DRP2: variants seen among roughly 807,000 people sequenced by gnomAD.
DRP2 encodes dystrophin-related protein 2.
In DRP2, 29 loss-of-function variants were observed where a neutral mutation model predicts 78.2. The observed-to-expected ratio is 0.37, with a 90% confidence interval of 0.28 to 0.51. The LOEUF is 0.51. Ranked by LOEUF, DRP2 falls within the 20% of genes least tolerant of loss-of-function variation. The pLI, the probability that DRP2 is intolerant of heterozygous loss-of-function variation, is 0.94. For synonymous variants in DRP2, 290 were observed against 281.9 expected (o/e 1.03, Z -0.29); for missense variants, 686 against 770.6 (o/e 0.89, Z 1.30).
chrX:101,223,002 C>T (rs1229133634), intron 1 of DRP2, among the ~76,000 whole-genome samples: 2 of 111,938 alleles, frequency 1.8e-5, no homozygotes, highest in East Asian at 5.6e-4. Context: ...TCTTCTGCAA[C>T]GTGATTTCTC....
chrX:101,244,345 C>T (rs1414242793), intron 9 of DRP2, among the ~76,000 whole-genome samples: 3 of 111,901 alleles, frequency 2.7e-5, no homozygotes, highest in Non-Finnish European at 5.6e-5. Flanking sequence ...ATATCTGGCA[C>T]ATAGTAGGAG....
chrX:101,258,207 G>T (rs1315430926), intron 21 of DRP2, 102 bp from the exon 22 acceptor site: 13 of 698,918 alleles, frequency 1.9e-5, no homozygotes, highest in Non-Finnish European at 2.5e-5. Context: ...TAGGGTGGAA[G>T]AGCACAGGGA....
chrX:101,227,267 T>C (rs1922153091), intron 2 of DRP2, among the ~76,000 whole-genome samples: 1 of 111,969 alleles, frequency 8.9e-6, no homozygotes, highest in Admixed American at 9.5e-5. Context: ...AAATTATCCT[T>C]TTTTTTGTTT....
At chrX:101,252,099 T>C (rs966890567) in intron 16 of DRP2, among the ~76,000 whole-genome samples, 2 of 112,176 alleles carry the variant, frequency 1.8e-5, no homozygotes, top group African/African-American at 6.5e-5. Context: ...GCTTTGGAAG[T>C]AGATCTGAAG....
intron 21 of DRP2, 96 bp downstream of exon 21, chrX:101,256,357 A>G (rs952841146): frequency 2.6e-5 from 22 of 857,950 alleles, no homozygotes; most frequent in Middle Eastern, 3.0e-4. Flanking sequence ...TCTGACCTTG[A>G]GCAAGTTACT....
chrX:101,239,236 C>G, intron 6 of DRP2, 135 bp downstream of exon 6: 1 of 858,398 alleles, frequency 1.2e-6, no homozygotes, highest in East Asian at 3.3e-5. Context: ...GGAGTCCATC[C>G]AAAGTTGGGG....
rs187034712 is a variant in DRP2 at position 101,222,109 on chromosome X, T to C, written c.-167+1963T>C. Reference sequence around the variant, plus strand: ...GTGTATTCTGCAGTTCAATACTTTTTTGGAAATGCTTCTTAACCGAATTCT... The same window carrying C: ...GTGTATTCTGCAGTTCAATACTTTTCTGGAAATGCTTCTTAACCGAATTCT... On this transcript the variant is annotated intron_variant, in intron 1 of 23. Coordinates refer to ENST00000395209, the MANE Select transcript of DRP2 (RefSeq NM_001939.3). Among the ~76,000 whole-genome samples the C allele has an allele frequency of 6.1e-4, 68 of 111,380 alleles. 1 individual carries two copies. The highest frequency in any genetic ancestry group is 2.3e-3 in the South Asian group (6 of 2,621).
In DRP2 at chrX:101,260,747, C is replaced by T; in HGVS notation, c.*126C>T. On this transcript the variant is annotated 3_prime_UTR_variant, in exon 24 of 24. Coordinates refer to ENST00000395209, the MANE Select transcript of DRP2 (RefSeq NM_001939.3). ...CATTCCTCAACTAGTATTATTTGGG[C>T]TCTGGGCAGCAGCAGGGATCTGGTG... The T allele has an allele frequency of 3.3e-6, 3 of 908,204 alleles. No individual in the cohort carries two copies. The highest frequency in any genetic ancestry group is 4.5e-6 in the Non-Finnish European group (3 of 666,846). The allele number at this position is 908,204 out of a possible 1,213,427, so 74.8% of individuals were successfully genotyped here. A position where few individuals can be genotyped will look rare whatever the true frequency, so the allele number is the denominator to read the frequency against.
intron 17 of DRP2, among the ~76,000 whole-genome samples, chrX:101,253,175 A>T (rs950531276): frequency 9.0e-6 from 1 of 111,159 alleles, no homozygotes; most frequent in African/African-American, 3.3e-5. Context: ...TCAGTACCAA[A>T]GCTTATGCTC....
chrX:101,222,249 A>G (rs1921917858), intron 1 of DRP2, among the ~76,000 whole-genome samples: 1 of 111,930 alleles, frequency 8.9e-6, no homozygotes, highest in Non-Finnish European at 1.9e-5. Flanking sequence ...TTGACCAGGG[A>G]ACACTTTTCT....
chrX:101,222,107 T>C (rs921114969), intron 1 of DRP2, among the ~76,000 whole-genome samples: 1 of 111,382 alleles, frequency 9.0e-6, no homozygotes, highest in African/African-American at 3.3e-5. Context: ...TTCAATACTT[T>C]TTTGGAAATG....
intron 13 of DRP2, 32 bp downstream of exon 13, chrX:101,248,322 A>G (rs1421357546): frequency 1.0e-5 from 12 of 1,177,820 alleles, no homozygotes; most frequent in Non-Finnish European, 1.4e-5. Context: ...AGCCTCCAGG[A>G]TAAAATTCAA....
chrX:101,245,593 C>A, intron 11 of DRP2, 144 bp downstream of exon 11: 1 of 491,029 alleles, frequency 2.0e-6, no homozygotes, highest in Non-Finnish European at 3.4e-6. Context: ...GGAAATACTG[C>A]CATTTGAAAC....
intron 14 of DRP2, among the ~76,000 whole-genome samples, chrX:101,248,809 G>C (rs1245143584): frequency 1.1e-4 from 12 of 112,419 alleles, no homozygotes; most frequent in Non-Finnish European, 1.9e-4. Context: ...ACTATTCCCA[G>C]TGTCACTCCA....
Position 101,253,540 on chromosome X carries a change from C to CTTT in DRP2, c.1977+847_1977+849dup, listed in dbSNP as rs138161868. On this transcript the variant is annotated intron_variant, in intron 17 of 23. Coordinates refer to ENST00000395209, the MANE Select transcript of DRP2 (RefSeq NM_001939.3). ...AATTTTTTTTTAATTTTACTTTCACCTTTTTTTTTTTTTTTTTTTTTTTTT... is the reference window on the plus strand; with the variant it reads ...AATTTTTTTTTAATTTTACTTTCACCTTTTTTTTTTTTTTTTTTTTTTTTTTTT... Among the ~76,000 whole-genome samples, 121 of 53,570 alleles carry CTTT rather than the reference C, an allele frequency of 2.3e-3. 2 individuals are homozygous for CTTT. Among genetic ancestry groups the CTTT allele is most frequent in the Non-Finnish European group, 3.1e-3 (102 of 32,922 alleles). 46.5% of individuals were successfully genotyped at this position (53,570 alleles called of 115,157 possible).
rs976454378 is a variant in DRP2 at position 101,245,510 on chromosome X, G to A, written c.1177+61G>A. Reference sequence around the variant, plus strand: ...TACACAGCTGCCTTTGTCCTATAATGTCCATCTACAGATGAATGGATAAAG... The same window carrying A: ...TACACAGCTGCCTTTGTCCTATAATATCCATCTACAGATGAATGGATAAAG... On this transcript the variant is annotated intron_variant, in intron 11 of 23. Transcript: ENST00000395209. The A allele has an allele frequency of 2.0e-5, 19 of 937,891 alleles. No homozygotes were observed. In the African/African-American group the frequency reaches 3.1e-4, roughly 15 times the overall value. The allele number at this position is 937,891 out of a possible 1,213,427, so 77.3% of individuals were successfully genotyped here.
intron 2 of DRP2, among the ~76,000 whole-genome samples, chrX:101,230,553 A>G (rs148388757): frequency 0.022 from 2,384 of 110,529 alleles, 37 homozygotes; most frequent in Non-Finnish European, 0.033. Context: ...TAAATAAAAT[A>G]AAATGCAAAT....
At chrX:101,238,234 C>T (rs181568502) in intron 5 of DRP2, among the ~76,000 whole-genome samples, 2,070 of 111,317 alleles carry the variant, frequency 0.019, 57 homozygotes, top group African/African-American at 0.065. Context: ...TCTAATATTT[C>T]TGTGATATAT....
intron 1 of DRP2, among the ~76,000 whole-genome samples, chrX:101,223,933 G>A (rs1921980551): frequency 9.1e-6 from 1 of 110,445 alleles, no homozygotes; most frequent in African/African-American, 3.3e-5. Context: ...ATTATTTTAG[G>A]AACTATAACA....
Sources: gnomAD v4.1 joint callset for allele counts (sites outside exome capture counted in the v4.1 genomes callset) on GRCh38, gnomAD v4.1.1 for gene constraint, MANE v1.5 for transcripts, NCBI Gene and HGNC (gene_info 2026-07-23, HGNC 2026-07-21) for gene names.